The following ST6GALNAC5 variants were observed in gnomAD, a reference collection of about 807,000 sequenced individuals.
ST6GALNAC5 encodes the protein ST6 N-acetylgalactosaminide alpha-2,6-sialyltransferase 5.
Under a neutral mutation model 33.6 loss-of-function variants are expected in ST6GALNAC5, and 27 were observed. That is an observed-to-expected ratio of 0.80 (90% CI 0.59 to 1.11). The LOEUF is 1.11. ST6GALNAC5 is among the 50% of genes least tolerant of loss of function. The probability of loss-of-function intolerance (pLI) is 0.00; values close to 1 mark genes in which losing one functional copy is unlikely to be tolerated. For synonymous variants in ST6GALNAC5, 194 were observed against 171.2 expected, an observed-to-expected ratio of 1.13 and a Z score of -1.04; for missense variants, 428 against 454.0, an observed-to-expected ratio of 0.94 and a Z score of 0.52.
chr1:76,977,810 C>G (rs909612309), intron 2 of ST6GALNAC5, among the ~76,000 whole-genome samples: 2 of 152,142 alleles, frequency 1.3e-5, no homozygotes, highest in African/African-American at 2.4e-5. Flanking sequence ...CTCTTTGACA[C>G]AAATGATTTC....
chr1:76,990,826 T>A (rs1294772305), intron 2 of ST6GALNAC5, among the ~76,000 whole-genome samples: 1 of 152,094 alleles, frequency 6.6e-6, no homozygotes, highest in Non-Finnish European at 1.5e-5. Context: ...TCATTTAGGG[T>A]TGAGAGAGAG....
intron 2 of ST6GALNAC5, among the ~76,000 whole-genome samples, chr1:76,993,145 A>G (rs1360851281): frequency 6.6e-6 from 1 of 152,140 alleles, no homozygotes; most frequent in African/African-American, 2.4e-5. Context: ...ATGCTTCAAG[A>G]AGCATCTCAA....
At position 77,044,272 on chromosome 1, in the gene ST6GALNAC5, A is replaced by G. The variant is rs1309365577; in HGVS notation, c.330A>G (p.Gln110=). Residue 110 remains glutamine, a synonymous_variant, in exon 3 of 5, where the codon CAA becomes CAG. Transcript: ENST00000477717. The part of the protein sequence containing the change: ...TSSGHLLHSR[Q]GSQIDQTECV... ...CAGGGCATCTGCTGCACAGTCGGCAAGGCTCCCAGATTGACCAGACAGAGT... is the reference window on the plus strand; with the variant it reads ...CAGGGCATCTGCTGCACAGTCGGCAGGGCTCCCAGATTGACCAGACAGAGT... 1 of 1,613,988 alleles carries G rather than the reference A, an allele frequency of 6.2e-7. No homozygotes were observed. Among genetic ancestry groups the G allele is most frequent in the South Asian group, 1.1e-5 (1 of 91,074 alleles).
At chr1:76,993,906 G>C (rs1303503056) in intron 2 of ST6GALNAC5, among the ~76,000 whole-genome samples, 1 of 151,484 alleles carries the variant, frequency 6.6e-6, no homozygotes, top group African/African-American at 2.4e-5. Context: ...AGAAACTTTG[G>C]TTGAAAAGGA....
chr1:77,062,003 C>T (rs747256425), intron 4 of ST6GALNAC5, among the ~76,000 whole-genome samples: 52 of 152,200 alleles, frequency 3.4e-4, no homozygotes, highest in Admixed American at 1.1e-3. Context: ...CTCTTGTTTG[C>T]TGTCTTCCTT....
Position 77,063,125 on chromosome 1 carries a change from A to C in ST6GALNAC5, c.930A>C (p.Thr310=). 1.2e-6 allele frequency: 2 copies of C among 1,613,830 alleles called. No homozygotes were observed. Among genetic ancestry groups the C allele is most frequent in the Non-Finnish European group, 1.7e-6 (2 of 1,179,834 alleles). Residue 310 remains threonine (T), a synonymous_variant, in exon 5 of 5, where the codon ACA becomes ACC. Transcript: ENST00000477717. ...EKRVFKNWAR[T]FNIHFFQPDW... ...GAGTCTTTAAGAACTGGGCACGGAC[A>C]TTCAATATTCACTTTTTTCAACCAG...
At chr1:77,006,263 T>C (rs1344917047) in intron 2 of ST6GALNAC5, among the ~76,000 whole-genome samples, 1 of 151,744 alleles carries the variant, frequency 6.6e-6, no homozygotes, top group Non-Finnish European at 1.5e-5. Flanking sequence ...CAAGCAATAC[T>C]ACCACTTTAG....
At chr1:76,961,017 T>G (rs2100350035) in intron 2 of ST6GALNAC5, among the ~76,000 whole-genome samples, 1 of 152,268 alleles carries the variant, frequency 6.6e-6, no homozygotes, top group South Asian at 2.1e-4. Context: ...CACAAGGGTA[T>G]TGATTGGGGA....
intron 2 of ST6GALNAC5, among the ~76,000 whole-genome samples, chr1:76,962,029 G>A (rs1270600994): frequency 6.6e-6 from 1 of 152,148 alleles, no homozygotes; most frequent in African/African-American, 2.4e-5. Context: ...ACTGGTGAGG[G>A]CTAAATGTCC....
chr1:76,934,326 T>C (rs965206414), intron 2 of ST6GALNAC5, among the ~76,000 whole-genome samples: 6 of 152,044 alleles, frequency 3.9e-5, no homozygotes, highest in Admixed American at 3.3e-4. Context: ...TTTCTCTTAG[T>C]AGAATAGAAA....
chr1:77,060,309 C>T (rs760686354), intron 4 of ST6GALNAC5: 8 of 152,150 alleles, frequency 5.3e-5, no homozygotes, highest in Admixed American at 2.0e-4. Flanking sequence ...ACAACTGCTT[C>T]CTCATGTGGA....
intron 2 of ST6GALNAC5, among the ~76,000 whole-genome samples, chr1:76,929,551 A>G (rs1201188626): frequency 2.6e-5 from 4 of 152,100 alleles, no homozygotes; most frequent in Non-Finnish European, 4.4e-5. Context: ...AGAAGAAGAA[A>G]AAAACTGCAT....
At chr1:77,049,188 G>A (rs967106797) in intron 3 of ST6GALNAC5, among the ~76,000 whole-genome samples, 1 of 151,838 alleles carries the variant, frequency 6.6e-6, no homozygotes, top group Non-Finnish European at 1.5e-5. Context: ...AAATAATGAT[G>A]CAAACTGATA....
Position 77,063,282 on chromosome 1 carries a change from A to G in ST6GALNAC5, c.*76A>G. ...GAGACACTGAACTTCCTGAGCCACC[A>G]GACAGGAAAGGGTAGCAGAAAACAG... On this transcript the variant is annotated 3_prime_UTR_variant, in exon 5 of 5. Transcript: ENST00000477717. 7.4e-6 allele frequency: 10 copies of G among 1,347,950 alleles called. No individual in the cohort carries two copies. Among genetic ancestry groups the G allele is most frequent in the Non-Finnish European group, 1.0e-5 (10 of 956,854 alleles). The allele number at this position is 1,347,950 out of a possible 1,614,324, so 83.5% of individuals were successfully genotyped here.
At chr1:77,029,969 C>A (rs944255104) in intron 2 of ST6GALNAC5, among the ~76,000 whole-genome samples, 1 of 152,198 alleles carries the variant, frequency 6.6e-6, no homozygotes, top group East Asian at 1.9e-4. Flanking sequence ...GTGTTGTATA[C>A]CAGCAGCTTT....
At chr1:76,893,759 C>A (rs1654062921) in intron 2 of ST6GALNAC5, among the ~76,000 whole-genome samples, 2 of 152,180 alleles carry the variant, frequency 1.3e-5, no homozygotes, top group Admixed American at 6.5e-5. Flanking sequence ...CTCCCGGGTT[C>A]AAGCGATTCT....
In ST6GALNAC5 at chr1:77,063,257, G is replaced by A. The variant is rs766371845; in HGVS notation, c.*51G>A. ...CCAGGTATTCACTGCATCAGACACCGAGACACTGAACTTCCTGAGCCACCA... is the reference window on the plus strand; with the variant it reads ...CCAGGTATTCACTGCATCAGACACCAAGACACTGAACTTCCTGAGCCACCA... On this transcript the variant is annotated 3_prime_UTR_variant, in exon 5 of 5. Coordinates refer to ENST00000477717, the MANE Select transcript of ST6GALNAC5 (RefSeq NM_030965.3). 43 of 1,538,536 alleles carry A rather than the reference G, an allele frequency of 2.8e-5. No individual in the cohort carries two copies. In the South Asian group the frequency reaches 3.9e-4, roughly 14 times the overall value.
intron 4 of ST6GALNAC5, among the ~76,000 whole-genome samples, chr1:77,062,088 C>G (rs1652597523): frequency 6.6e-6 from 1 of 152,106 alleles, no homozygotes; most frequent in African/African-American, 2.4e-5. Flanking sequence ...GCTGCTAATT[C>G]CATATAAATT....
At chr1:76,919,985 G>T (rs912062346) in intron 2 of ST6GALNAC5, among the ~76,000 whole-genome samples, 58 of 152,046 alleles carry the variant, frequency 3.8e-4, no homozygotes, top group Non-Finnish European at 8.8e-5. Flanking sequence ...AAGGTAAAAA[G>T]CTGGGCTGAA....
Sources: allele counts gnomAD v4.1 joint callset (sites outside exome capture counted in the v4.1 genomes callset), GRCh38; gene constraint gnomAD v4.1.1; transcripts MANE v1.5; gene names NCBI Gene and HGNC (gene_info 2026-07-23, HGNC 2026-07-21).